Variants in SLC24A2 observed in about 807,000 individuals in gnomAD.
The protein encoded by SLC24A2 is solute carrier family 24 member 2.
A neutral mutation model predicts 62.0 loss-of-function variants in SLC24A2; 36 were observed. That is an observed-to-expected ratio of 0.58 (90% CI 0.44 to 0.77). SLC24A2 has a LOEUF of 0.77. SLC24A2 is among the 30% of genes least tolerant of loss of function. The pLI is 0.00. For synonymous variants in SLC24A2, 358 were observed against 294.0 expected (o/e 1.22, Z -2.23); for missense variants, 846 against 817.9 (o/e 1.03, Z -0.42).
chr9:19,739,872 A>G (rs572129740), intron 2 of SLC24A2, among the ~76,000 whole-genome samples: 1 of 152,336 alleles, frequency 6.6e-6, no homozygotes, highest in Admixed American at 6.5e-5. Flanking sequence ...AGAGAAAGAA[A>G]AGGCAAGTTA....
chr9:19,917,083 T>G, the SLC24A2 span, among the ~76,000 whole-genome samples: 14 of 149,386 alleles, frequency 9.4e-5, no homozygotes, highest in African/African-American at 2.9e-4. Context: ...ATCTTCTAAG[T>G]TTTTATTCTT....
intron 2 of SLC24A2, among the ~76,000 whole-genome samples, chr9:19,628,929 G>T (rs1343511009): frequency 6.6e-6 from 1 of 152,188 alleles, no homozygotes; most frequent in Non-Finnish European, 1.5e-5. Context: ...TGCGGGTTGG[G>T]CAAGCTTGGA....
chr9:19,687,591 T>A (rs994119818), intron 2 of SLC24A2, among the ~76,000 whole-genome samples: 2 of 152,100 alleles, frequency 1.3e-5, no homozygotes, highest in Non-Finnish European at 2.9e-5. Flanking sequence ...CCACGCCGTG[T>A]TTCTCAACTT....
the SLC24A2 span, among the ~76,000 whole-genome samples, chr9:19,903,407 T>C: frequency 3.3e-4 from 51 of 152,298 alleles, no homozygotes; most frequent in African/African-American, 1.1e-3. Flanking sequence ...TTCACATTCA[T>C]CTAGATCTAA....
chr9:20,280,029 G>C, the SLC24A2 span, among the ~76,000 whole-genome samples: 3 of 152,238 alleles, frequency 2.0e-5, no homozygotes, highest in Admixed American at 2.0e-4. Flanking sequence ...ATTCTAAGCA[G>C]CAGGGTCTGG....
intron 7 of SLC24A2, among the ~76,000 whole-genome samples, chr9:19,551,982 G>T (rs1834868798): frequency 6.6e-6 from 1 of 152,144 alleles, no homozygotes; most frequent in African/African-American, 2.4e-5. Context: ...GTGGGTAAAA[G>T]AATTTGTAAA....
chr9:19,646,504 T>C (rs902008076), intron 2 of SLC24A2, among the ~76,000 whole-genome samples: 1 of 152,174 alleles, frequency 6.6e-6, no homozygotes, highest in Non-Finnish European at 1.5e-5. Flanking sequence ...CAGGCCAGGT[T>C]TGCCTTTTAA....
the SLC24A2 span, among the ~76,000 whole-genome samples, chr9:20,261,525 G>A: frequency 5.1e-4 from 78 of 152,034 alleles, 1 homozygote; most frequent in African/African-American, 1.7e-3. Context: ...TCATGAGGGC[G>A]CCGCCCTCAT....
chr9:19,798,899 G>T, the SLC24A2 span, among the ~76,000 whole-genome samples: 1 of 151,972 alleles, frequency 6.6e-6, no homozygotes, highest in Admixed American at 6.6e-5. Context: ...ACTTTTTTCT[G>T]TTTCTAGTTG....
intron 2 of SLC24A2, among the ~76,000 whole-genome samples, chr9:19,734,751 A>C (rs1749162435): frequency 6.6e-6 from 1 of 151,002 alleles, no homozygotes; most frequent in Admixed American, 6.6e-5. Context: ...GACTTTGCTG[A>C]AGTTGCCTAT....
chr9:20,193,031 G>A, the SLC24A2 span, among the ~76,000 whole-genome samples: 2 of 152,134 alleles, frequency 1.3e-5, no homozygotes, highest in Admixed American at 6.5e-5. Flanking sequence ...TTGGGCAATT[G>A]ACATTTGATT....
chr9:19,767,188 G>C (rs191277240), intron 2 of SLC24A2, among the ~76,000 whole-genome samples: 1 of 152,284 alleles, frequency 6.6e-6, no homozygotes, highest in Non-Finnish European at 1.5e-5. Flanking sequence ...CTGCTGTGCT[G>C]GTAGCGAGAA....
the SLC24A2 span, among the ~76,000 whole-genome samples, chr9:20,007,362 G>T: frequency 7.9e-5 from 12 of 152,218 alleles, no homozygotes; most frequent in African/African-American, 2.6e-4. Flanking sequence ...GGGTGAAAAG[G>T]TGCATTGATT....
the SLC24A2 span, among the ~76,000 whole-genome samples, chr9:20,023,726 T>C: frequency 2.0e-5 from 3 of 152,280 alleles, no homozygotes; most frequent in Non-Finnish European, 2.9e-5. Flanking sequence ...TTGTTCAGAA[T>C]TAGAGAAGAG....
At chr9:19,549,512 T>C (rs114966746) in intron 8 of SLC24A2, among the ~76,000 whole-genome samples, 5 of 152,342 alleles carry the variant, frequency 3.3e-5, no homozygotes, top group African/African-American at 9.6e-5. Context: ...ACATTCACTC[T>C]TGGAGTCCTG....
chr9:19,685,802 A>G (rs1819863844), intron 2 of SLC24A2, among the ~76,000 whole-genome samples: 1 of 152,142 alleles, frequency 6.6e-6, no homozygotes, highest in Non-Finnish European at 1.5e-5. Flanking sequence ...TGTAAAACCA[A>G]AAACTATAAA....
the SLC24A2 span, among the ~76,000 whole-genome samples, chr9:19,899,964 T>A: frequency 6.6e-6 from 1 of 152,120 alleles, no homozygotes; most frequent in East Asian, 1.9e-4. Context: ...CAAGATGAGA[T>A]GTGTGTGGGG....
the SLC24A2 span, among the ~76,000 whole-genome samples, chr9:20,152,326 C>G: frequency 1.3e-4 from 19 of 151,958 alleles, no homozygotes; most frequent in African/African-American, 4.6e-4. Context: ...GTTTCGTATT[C>G]CTCTGATAAT....
At chr9:19,532,223 G>A (rs776542668) in intron 8 of SLC24A2, among the ~76,000 whole-genome samples, 33 of 151,994 alleles carry the variant, frequency 2.2e-4, no homozygotes, top group Non-Finnish European at 4.3e-4. Flanking sequence ...AGGGTTTACA[G>A]GCATGGGATT....
Sources: allele counts gnomAD v4.1 joint callset (sites outside exome capture counted in the v4.1 genomes callset), GRCh38; gene constraint gnomAD v4.1.1; transcripts MANE v1.5; gene names NCBI Gene and HGNC (gene_info 2026-07-23, HGNC 2026-07-21).